The following RIOK3 variants were observed in gnomAD, a reference collection of about 807,000 sequenced individuals.
RIOK3 encodes serine/threonine-protein kinase RIO3.
RIOK3 carries 40 observed loss-of-function variants against 63.5 expected under a neutral mutation model. That is an observed-to-expected ratio of 0.63 (90% CI 0.49 to 0.82). The LOEUF is 0.82. Ranked by LOEUF, RIOK3 falls within the 40% of genes least tolerant of loss-of-function variation. The pLI, the probability that RIOK3 is intolerant of heterozygous loss-of-function variation, is 0.00. For missense variants in RIOK3, 557 were observed against 637.0 expected (o/e 0.87, Z 1.35); for synonymous variants, 193 against 205.0 (o/e 0.94, Z 0.50).
At chr18:23,467,896 G>T (rs2057420704) in intron 7 of RIOK3, among the ~76,000 whole-genome samples, 2 of 152,114 alleles carry the variant, frequency 1.3e-5, no homozygotes, top group African/African-American at 4.8e-5. Flanking sequence ...TCCTATCCCA[G>T]CCTCCAGAGT....
intron 1 of RIOK3, among the ~76,000 whole-genome samples, chr18:23,457,806 G>A (rs2057350205): frequency 6.6e-6 from 1 of 152,098 alleles, no homozygotes; most frequent in Admixed American, 6.5e-5. Flanking sequence ...GGTTAGAAAG[G>A]GGACCTTCCT....
chr18:23,479,208 C>A, intron 11 of RIOK3, 109 bp from the exon 12 acceptor site: 2 of 657,016 alleles, frequency 3.0e-6, no homozygotes, highest in Non-Finnish European at 5.6e-6. Context: ...TGTGCGTGTG[C>A]ACACGTGCAT....
chr18:23,465,432 A>G (rs2145680466), intron 5 of RIOK3, among the ~76,000 whole-genome samples: 1 of 152,212 alleles, frequency 6.6e-6, no homozygotes, highest in Non-Finnish European at 1.5e-5. Flanking sequence ...TTAATATAAT[A>G]TATTAAACAT....
chr18:23,481,179 C>G lies in RIOK3; in HGVS notation c.1460C>G (p.Ala487Gly). The G allele has an allele frequency of 6.2e-7, 1 of 1,605,064 alleles. No individual in the cohort carries two copies. The highest frequency in any genetic ancestry group is 8.5e-7 in the Non-Finnish European group (1 of 1,172,594). ...AATGTATTATTTTTGTAGATAGAAG[C>G]TTTGGAGAAAATGAATGAAGATCAC... ...NEADFLAEIEALEKMNEDHVQ... is the reference protein window; with the variant it reads ...NEADFLAEIEGLEKMNEDHVQ... Residue 487 changes from alanine to glycine, a missense_variant, in exon 13 of 13, where the codon GCT (alanine) becomes GGT (glycine). By Grantham distance (60) the Ala-to-Gly change is moderately conservative (BLOSUM62 0). This residue lies in a region of RIOK3 where 309 missense variants were observed against 338.7 expected (regional missense o/e 0.91). Transcript: ENST00000339486.
chr18:23,466,287 A>G lies in RIOK3; in HGVS notation c.687+11A>G, dbSNP rs905013573. 1 of 1,538,646 alleles carries G rather than the reference A, an allele frequency of 6.5e-7. No individual in the cohort carries two copies. The highest frequency in any genetic ancestry group is 8.7e-7 in the Non-Finnish European group (1 of 1,153,482). The stretch of plus-strand genomic sequence containing the variant: ...GAGCATTCTACAGCAGTAAGGATTT[A>G]TAGATTTTTTTTTTTCTTTTTTACT... On this transcript the variant is annotated intron_variant, in intron 6 of 12. Transcript: ENST00000339486.
At chr18:23,473,396 T>G (rs981003369) in intron 7 of RIOK3, 33 bp from the exon 8 acceptor site, 3 of 1,407,918 alleles carry the variant, frequency 2.1e-6, no homozygotes, top group Non-Finnish European at 3.0e-6. Context: ...AGCTGGCAAC[T>G]TGTACTGACT....
At chr18:23,458,116 G>C (rs2057352410) in intron 1 of RIOK3, among the ~76,000 whole-genome samples, 1 of 151,296 alleles carries the variant, frequency 6.6e-6, no homozygotes, top group African/African-American at 2.4e-5. Context: ...TGTTGCCCAG[G>C]CTGGTGTCGA....
In RIOK3 at chr18:23,464,230, G is replaced by A. The variant is rs780828655; in HGVS notation, c.350G>A (p.Arg117Gln). The change falls in exon 4 of 13, where the codon CGA becomes CAA. Residue 117 changes from arginine to glutamine, a missense_variant. Coordinates refer to ENST00000339486, the MANE Select transcript of RIOK3 (RefSeq NM_003831.5). ...GTTTCCATTTCCTTTGAAAATTATC[G>A]AAAAGTGCATCCTTATGAAGACAGC... The part of the protein sequence containing the change: ...SKVSISFENY[R>Q]KVHPYEDSDS... 30 of 1,613,238 alleles carry A rather than the reference G, an allele frequency of 1.9e-5. No individual in the cohort carries two copies. The highest frequency in any genetic ancestry group is 6.7e-5 in the East Asian group (3 of 44,876).
In RIOK3 at chr18:23,469,411, CCT is replaced by C. The variant is rs1380705543; in HGVS notation, c.815+1903_815+1904del. Among the ~76,000 whole-genome samples the C allele has an allele frequency of 2.7e-3, 215 of 80,204 alleles. 5 individuals are homozygous for C. Among genetic ancestry groups the C allele is most frequent in the African/African-American group, 9.1e-3 (187 of 20,524 alleles). The allele number at this position is 80,204 out of a possible 152,430, so 52.6% of individuals were successfully genotyped here. A position where few individuals can be genotyped will look rare whatever the true frequency, so the allele number is the denominator to read the frequency against. On this transcript the variant is annotated intron_variant, in intron 7 of 12. Coordinates refer to ENST00000339486, the MANE Select transcript of RIOK3 (RefSeq NM_003831.5). Reference sequence around the variant, plus strand: ...CCCCTCTCTCCTCTCTCCCCTCTCTCCTCTCTCTCTCTCTCTCTCCCTCTCCT... The same window carrying C: ...CCCCTCTCTCCTCTCTCCCCTCTCTCCTCTCTCTCTCTCTCTCCCTCTCCT...
intron 1 of RIOK3, among the ~76,000 whole-genome samples, chr18:23,458,357 TG>T (rs570851652): frequency 1.4e-3 from 219 of 151,784 alleles, no homozygotes; most frequent in African/African-American, 5.1e-3. Flanking sequence ...TGGGGGAGAA[TG>T]CGGTAGTAGT....
chr18:23,476,504 G>A (rs1428870757), intron 9 of RIOK3, among the ~76,000 whole-genome samples: 1 of 152,132 alleles, frequency 6.6e-6, no homozygotes, highest in Non-Finnish European at 1.5e-5. Flanking sequence ...TGTTTTTCTG[G>A]CCTCTTTGGG....
chr18:23,472,753 T>C (rs1239213044), intron 7 of RIOK3, among the ~76,000 whole-genome samples: 1 of 152,226 alleles, frequency 6.6e-6, no homozygotes, highest in Non-Finnish European at 1.5e-5. Flanking sequence ...TGTCCTGTCC[T>C]TTAGCTCCAA....
Position 23,477,215 on chromosome 18 carries a change from A to G in RIOK3, c.1291A>G (p.Thr431Ala), listed in dbSNP as rs757605830. 1.2e-6 allele frequency: 2 copies of G among 1,614,142 alleles called. No individual in the cohort carries two copies. Among genetic ancestry groups the G allele is most frequent in the Non-Finnish European group, 8.5e-7 (1 of 1,179,994 alleles). Residue 431 changes from threonine (T) to alanine (A), a missense_variant, in exon 11 of 13, where the codon ACC becomes GCC. By Grantham distance (58) the Thr-to-Ala change is moderately conservative (BLOSUM62 0). This residue lies in a region of RIOK3 where 309 missense variants were observed against 338.7 expected (regional missense o/e 0.91). Coordinates refer to ENST00000339486, the MANE Select transcript of RIOK3 (RefSeq NM_003831.5). ...CGATGTCAGTCAGTCAGTAGAACCT[A>G]CCCACCCTCACGGCCTGGAGTTCTT... ...LIDVSQSVEP[T>A]HPHGLEFLFR... is the part of the protein sequence containing the mutation.
intron 1 of RIOK3, among the ~76,000 whole-genome samples, chr18:23,462,502 C>T (rs1275306762): frequency 6.6e-6 from 1 of 152,230 alleles, no homozygotes; most frequent in Non-Finnish European, 1.5e-5. Flanking sequence ...ATAATTTGTA[C>T]ACTTAGATGA....
chr18:23,474,016 T>G (rs1484088665), intron 8 of RIOK3, among the ~76,000 whole-genome samples: 1 of 152,266 alleles, frequency 6.6e-6, no homozygotes, highest in Non-Finnish European at 1.5e-5. Context: ...CATTTTGTTT[T>G]AATTTTTATA....
At position 23,453,473 on chromosome 18, in the gene RIOK3, G is replaced by A. The variant is rs1159851657; in HGVS notation, c.34G>A (p.Gly12Arg). 2 of 1,613,782 alleles carry A rather than the reference G, an allele frequency of 1.2e-6. No individual in the cohort carries two copies. The highest frequency in any genetic ancestry group is 2.2e-5 in the East Asian group (1 of 44,888). The change falls in exon 1 of 13, where the codon GGG becomes AGG. Residue 12 changes from glycine (G) to arginine (R), a missense_variant. Physicochemically the swap from Gly to Arg is moderately radical, Grantham distance 125. This residue lies in a region of RIOK3 where 243 missense variants were observed against 275.4 expected (regional missense o/e 0.88). Coordinates refer to ENST00000339486, the MANE Select transcript of RIOK3 (RefSeq NM_003831.5). ...DLVGVASPEP[G>R]TAAAWGPSKC... ...GGTAGGAGTGGCATCGCCTGAGCCC[G>A]GGACGGCAGCGGCCTGGGGACCCAG...
At chr18:23,467,022 A>C (rs1212709280) in intron 6 of RIOK3, among the ~76,000 whole-genome samples, 2 of 151,970 alleles carry the variant, frequency 1.3e-5, no homozygotes, top group Non-Finnish European at 2.9e-5. Flanking sequence ...TCTAAAAAAA[A>C]AAAAGATATT....
chr18:23,462,762 C>A (rs181690310), intron 1 of RIOK3, among the ~76,000 whole-genome samples: 1 of 152,290 alleles, frequency 6.6e-6, no homozygotes, highest in East Asian at 1.9e-4. Flanking sequence ...GTGCTTTTGG[C>A]TGTTTTAGTT....
rs942594817 is a variant in RIOK3 at position 23,453,319 on chromosome 18, T to G, written c.-121T>G. 1 of 814,080 alleles carries G rather than the reference T, an allele frequency of 1.2e-6. No individual in the cohort carries two copies. Among genetic ancestry groups the G allele is most frequent in the Admixed American group, 1.9e-5 (1 of 52,560 alleles). 50.4% of individuals were successfully genotyped at this position (814,080 alleles called of 1,614,324 possible). ...GACGCGGCCGCCGCCGTCGCCGCCA[T>G]CTGTCACCTCCACTCCGGCATCAGC... On this transcript the variant is annotated 5_prime_UTR_variant, in exon 1 of 13. Transcript: ENST00000339486.
Sources: gnomAD v4.1 joint callset for allele counts (sites outside exome capture counted in the v4.1 genomes callset) on GRCh38, gnomAD v4.1.1 for gene constraint, gnomAD v4.1.1 regional missense constraint, MANE v1.5 for transcripts, NCBI Gene and HGNC (gene_info 2026-07-23, HGNC 2026-07-21) for gene names.